CADPS2: variants seen among roughly 807,000 people sequenced by gnomAD.
CADPS2 encodes calcium dependent secretion activator 2, also known as calcium-dependent secretion activator 2.
Under a neutral mutation model 172.5 loss-of-function variants are expected in CADPS2, and 93 were observed. The ratio of observed to expected loss-of-function variants is 0.54; its 90% CI spans 0.46 to 0.64. The LOEUF (loss-of-function observed/expected upper bound fraction) is 0.64. Among genes scored for constraint, CADPS2 ranks in the 30% least tolerant of loss-of-function variants. The probability of loss-of-function intolerance (pLI) is 0.00; values close to 1 mark genes in which losing one functional copy is unlikely to be tolerated. For missense variants in CADPS2, 1,420 were observed against 1,565.9 expected, an observed-to-expected ratio of 0.91 and a Z score of 1.57; for synonymous variants, 546 against 555.2, an observed-to-expected ratio of 0.98 and a Z score of 0.23.
At chr7:122,470,271 T>C (rs567540362) in intron 14 of CADPS2, among the ~76,000 whole-genome samples, 1 of 151,142 alleles carries the variant, frequency 6.6e-6, no homozygotes, top group South Asian at 2.1e-4. Context: ...GGATAAACAA[T>C]GGAAATGTAA....
intron 2 of CADPS2, among the ~76,000 whole-genome samples, chr7:122,711,542 T>C (rs2088721731): frequency 6.6e-6 from 1 of 152,158 alleles, no homozygotes; most frequent in African/African-American, 2.4e-5. Flanking sequence ...CAGAATGCCT[T>C]CTATTTCTAC....
intron 20 of CADPS2, among the ~76,000 whole-genome samples, chr7:122,401,753 A>G (rs2045982806): frequency 6.6e-6 from 1 of 152,192 alleles, no homozygotes; most frequent in South Asian, 2.1e-4. Context: ...AAGGCAGGGT[A>G]GAGAGCGAAG....
At chr7:122,620,931 G>C (rs986949946) in intron 5 of CADPS2, among the ~76,000 whole-genome samples, 4 of 152,196 alleles carry the variant, frequency 2.6e-5, no homozygotes, top group South Asian at 2.1e-4. Context: ...TTTTGAGACA[G>C]GGTCTCACTC....
chr7:122,688,940 G>C (rs976517037), intron 2 of CADPS2, among the ~76,000 whole-genome samples: 1 of 152,020 alleles, frequency 6.6e-6, no homozygotes, highest in East Asian at 1.9e-4. Context: ...ATACACACAG[G>C]CTTTATACAT....
At chr7:122,352,109 G>A (rs943457051) in intron 27 of CADPS2, among the ~76,000 whole-genome samples, 5 of 152,040 alleles carry the variant, frequency 3.3e-5, no homozygotes, top group Admixed American at 1.3e-4. Flanking sequence ...TCTGATCTAC[G>A]GTTAGATCAC....
At chr7:122,414,192 G>T in intron 18 of CADPS2, 116 bp from the exon 19 acceptor site, 1 of 592,156 alleles carries the variant, frequency 1.7e-6, no homozygotes, top group South Asian at 4.6e-5. Context: ...ATCGTATAGT[G>T]ATATTTATGA....
At chr7:122,783,416 A>G (rs569612769) in intron 1 of CADPS2, among the ~76,000 whole-genome samples, 7 of 152,000 alleles carry the variant, frequency 4.6e-5, no homozygotes, top group African/African-American at 1.4e-4. Context: ...TCAAGTTACT[A>G]TTTTTCCTGC....
At chr7:122,764,593 AAGT>A (rs10560536) in intron 1 of CADPS2, among the ~76,000 whole-genome samples, 65,812 of 151,654 alleles carry the variant, frequency 0.43, 16,729 homozygotes, top group African/African-American at 0.72. Context: ...GAAGCAAAAT[AAGT>A]AGTCAGGGTA....
intron 2 of CADPS2, among the ~76,000 whole-genome samples, chr7:122,668,415 A>C (rs983847373): frequency 6.6e-6 from 1 of 151,824 alleles, no homozygotes. Flanking sequence ...AAAAAAAAAA[A>C]AAACAAAAAC....
intron 2 of CADPS2, among the ~76,000 whole-genome samples, chr7:122,726,237 G>A (rs2091071489): frequency 6.6e-6 from 1 of 151,926 alleles, no homozygotes; most frequent in East Asian, 1.9e-4. Context: ...TTTATGTTGT[G>A]TCAAATGAAA....
At chr7:122,782,538 G>A (rs929430136) in intron 1 of CADPS2, among the ~76,000 whole-genome samples, 15 of 152,156 alleles carry the variant, frequency 9.9e-5, no homozygotes, top group African/African-American at 3.1e-4. Flanking sequence ...TTGAACCAGG[G>A]ATGTTGAGGC....
chr7:122,432,443 C>T (rs1368041475), intron 17 of CADPS2, among the ~76,000 whole-genome samples: 2 of 151,966 alleles, frequency 1.3e-5, no homozygotes, highest in Non-Finnish European at 2.9e-5. Flanking sequence ...AGTTCAAGAT[C>T]AGCCTGGCCA....
intron 25 of CADPS2, among the ~76,000 whole-genome samples, chr7:122,363,072 G>A (rs2040395362): frequency 6.6e-6 from 1 of 152,202 alleles, no homozygotes; most frequent in Admixed American, 6.5e-5. Flanking sequence ...ACATGTAGAA[G>A]TTAATTTAGC....
At chr7:122,777,368 C>A (rs1314194344) in intron 1 of CADPS2, among the ~76,000 whole-genome samples, 4 of 152,104 alleles carry the variant, frequency 2.6e-5, no homozygotes, top group African/African-American at 9.7e-5. Context: ...GCTCTCATAT[C>A]CACATTCCAG....
intron 7 of CADPS2, among the ~76,000 whole-genome samples, chr7:122,574,219 G>T (rs1311887361): frequency 6.6e-6 from 1 of 151,842 alleles, no homozygotes; most frequent in Non-Finnish European, 1.5e-5. Context: ...GCTGAGGTGG[G>T]AGGATTTCTT....
intron 1 of CADPS2, among the ~76,000 whole-genome samples, chr7:122,772,161 G>T (rs1005905761): frequency 2.0e-5 from 3 of 152,216 alleles, no homozygotes; most frequent in Non-Finnish European, 4.4e-5. Context: ...CTGAAGAACA[G>T]AGGTAGGGTT....
intron 7 of CADPS2, among the ~76,000 whole-genome samples, chr7:122,562,603 G>T (rs2132250419): frequency 1.3e-5 from 2 of 152,200 alleles, no homozygotes; most frequent in Middle Eastern, 3.4e-3. Context: ...TTGGTAAACT[G>T]TTGCAGCAGC....
intron 2 of CADPS2, among the ~76,000 whole-genome samples, chr7:122,672,129 A>G (rs2081931645): frequency 6.6e-6 from 1 of 152,238 alleles, no homozygotes; most frequent in Admixed American, 6.5e-5. Context: ...TACAGAAATA[A>G]TAATAGAGTT....
chr7:122,621,084 T>TC, intron 5 of CADPS2, among the ~76,000 whole-genome samples: 1 of 151,968 alleles, frequency 6.6e-6, no homozygotes, highest in African/African-American at 2.4e-5. Flanking sequence ...TTTTTTTTTT[T>TC]AGAAACAGGG....
Sources: allele counts gnomAD v4.1 joint callset (sites outside exome capture counted in the v4.1 genomes callset), GRCh38; gene constraint gnomAD v4.1.1; transcripts MANE v1.5; gene names NCBI Gene and HGNC (gene_info 2026-07-23, HGNC 2026-07-21).